Variants in HSDL2 observed in about 807,000 individuals in gnomAD.
HSDL2 encodes hydroxysteroid dehydrogenase like 2.
HSDL2 carries 27 observed loss-of-function variants against 46.3 expected under a neutral mutation model. That is an observed-to-expected ratio of 0.58 (90% CI 0.43 to 0.80). The LOEUF (loss-of-function observed/expected upper bound fraction) is 0.80. HSDL2 is among the 30% of genes least tolerant of loss of function. HSDL2 has a pLI of 0.00. For missense variants in HSDL2, 451 were observed against 502.7 expected, an observed-to-expected ratio of 0.90 and a Z score of 0.98; for synonymous variants, 153 against 163.6, an observed-to-expected ratio of 0.94 and a Z score of 0.50.
chr9:112,409,104 A>C, intron 4 of HSDL2, 83 bp downstream of exon 4: 1 of 756,018 alleles, frequency 1.3e-6, no homozygotes, highest in Non-Finnish European at 2.3e-6. Flanking sequence ...ATTTGAGCCA[A>C]ATTAACAGTG....
At chr9:112,397,305 G>A (rs185832668) in intron 1 of HSDL2, among the ~76,000 whole-genome samples, 250 of 152,206 alleles carry the variant, frequency 1.6e-3, no homozygotes, top group Non-Finnish European at 3.1e-3. Flanking sequence ...GCAACACCTC[G>A]TGATCAGCTA....
At chr9:112,435,511 G>T (rs1832505786) in intron 6 of HSDL2, among the ~76,000 whole-genome samples, 1 of 152,028 alleles carries the variant, frequency 6.6e-6, no homozygotes, top group African/African-American at 2.4e-5. Flanking sequence ...TCAGGCTGCT[G>T]GGTGTTTGAA....
intron 5 of HSDL2, 43 bp from the exon 6 acceptor site, chr9:112,418,817 A>T: frequency 8.8e-7 from 1 of 1,138,792 alleles, no homozygotes; most frequent in Non-Finnish European, 1.2e-6. Context: ...AATCAAATTA[A>T]TTTCTTTTAT....
At chr9:112,389,284 A>G (rs139679948) in intron 1 of HSDL2, among the ~76,000 whole-genome samples, 17 of 152,304 alleles carry the variant, frequency 1.1e-4, no homozygotes, top group African/African-American at 4.1e-4. Context: ...GGTCTCCCAA[A>G]TTGCTGGGAT....
intron 9 of HSDL2, among the ~76,000 whole-genome samples, chr9:112,457,871 A>AACTAT (rs1833078092): frequency 6.6e-6 from 1 of 152,062 alleles, no homozygotes; most frequent in Non-Finnish European, 1.5e-5. Flanking sequence ...ATGCACCCTC[A>AACTAT]AGCTCCTGAA....
At chr9:112,461,080 AAT>A (rs1833196806) in intron 10 of HSDL2, among the ~76,000 whole-genome samples, 1 of 144,654 alleles carries the variant, frequency 6.9e-6, no homozygotes. Flanking sequence ...CCCTTTAATG[AAT>A]TTTTTTTTTT....
intron 1 of HSDL2, among the ~76,000 whole-genome samples, chr9:112,383,179 T>A (rs1329677175): frequency 1.3e-5 from 2 of 152,092 alleles, no homozygotes; most frequent in African/African-American, 4.8e-5. Context: ...GTTTAAGTGG[T>A]TCTCCTGCCT....
intron 4 of HSDL2, among the ~76,000 whole-genome samples, chr9:112,412,836 G>A (rs183705041): frequency 6.8e-4 from 103 of 152,198 alleles, no homozygotes; most frequent in Non-Finnish European, 1.0e-3. Flanking sequence ...AGGTGGGGTG[G>A]CTCACGCTTG....
At chr9:112,388,677 C>G (rs1307135653) in intron 1 of HSDL2, among the ~76,000 whole-genome samples, 1 of 151,522 alleles carries the variant, frequency 6.6e-6, no homozygotes, top group Admixed American at 6.6e-5. Context: ...TTGCTTGAAC[C>G]TGGGAGGTGG....
intron 1 of HSDL2, among the ~76,000 whole-genome samples, chr9:112,390,692 A>G (rs1438132508): frequency 6.6e-6 from 1 of 151,948 alleles, no homozygotes; most frequent in African/African-American, 2.4e-5. Flanking sequence ...GGCTCAATCG[A>G]TCCTCCCATC....
chr9:112,391,402 A>G (rs1831341177), intron 1 of HSDL2, among the ~76,000 whole-genome samples: 1 of 151,896 alleles, frequency 6.6e-6, no homozygotes, highest in Non-Finnish European at 1.5e-5. Context: ...TCCCAGGAAT[A>G]GGAGGTTATA....
chr9:112,456,646 A>G (rs1167246074), intron 9 of HSDL2, among the ~76,000 whole-genome samples: 1 of 152,164 alleles, frequency 6.6e-6, no homozygotes, highest in Non-Finnish European at 1.5e-5. Context: ...TTCAATGACC[A>G]TAGGAACCGA....
chr9:112,399,586 A>G (rs1221083198), intron 1 of HSDL2, among the ~76,000 whole-genome samples: 1 of 152,106 alleles, frequency 6.6e-6, no homozygotes, highest in Non-Finnish European at 1.5e-5. Context: ...CCTTATCTCA[A>G]CTGCATAAGA....
chr9:112,446,194 T>C (rs1458480586), intron 8 of HSDL2, among the ~76,000 whole-genome samples: 1 of 152,124 alleles, frequency 6.6e-6, no homozygotes, highest in African/African-American at 2.4e-5. Context: ...TGTAGGTTGC[T>C]TTTGGCTCCC....
At chr9:112,444,355 G>A (rs1248093611) in intron 8 of HSDL2, among the ~76,000 whole-genome samples, 1 of 151,884 alleles carries the variant, frequency 6.6e-6, no homozygotes, top group East Asian at 1.9e-4. Flanking sequence ...TCCAGTATTC[G>A]TCGTGTGTAT....
intron 6 of HSDL2, among the ~76,000 whole-genome samples, chr9:112,426,230 C>T (rs1832241894): frequency 8.1e-6 from 1 of 123,086 alleles, no homozygotes; most frequent in African/African-American, 2.9e-5. Context: ...TTCTGGTAAG[C>T]CTTCTTTTTT....
At chr9:112,380,636 AT>A (rs1369787862) in intron 1 of HSDL2, among the ~76,000 whole-genome samples, 1 of 152,132 alleles carries the variant, frequency 6.6e-6, no homozygotes, top group East Asian at 1.9e-4. Flanking sequence ...AACTAAACCG[AT>A]CTTAAAACAT....
chr9:112,403,788 C>T (rs374564577), intron 1 of HSDL2, among the ~76,000 whole-genome samples: 10 of 152,144 alleles, frequency 6.6e-5, no homozygotes, highest in African/African-American at 2.4e-4. Context: ...GCAAGACTGG[C>T]CAACTGCAGT....
intron 1 of HSDL2, among the ~76,000 whole-genome samples, chr9:112,396,577 A>G (rs983415141): frequency 6.6e-6 from 1 of 152,190 alleles, no homozygotes; most frequent in African/African-American, 2.4e-5. Flanking sequence ...ACCTTGGCAG[A>G]CACCATAAGT....
Sources: gnomAD v4.1 joint callset for allele counts (sites outside exome capture counted in the v4.1 genomes callset) on GRCh38, gnomAD v4.1.1 for gene constraint, MANE v1.5 for transcripts, NCBI Gene and HGNC (gene_info 2026-07-23, HGNC 2026-07-21) for gene names.